VDAC1: variants seen among roughly 807,000 people sequenced by gnomAD.
The protein encoded by VDAC1 is non-selective voltage-gated ion channel VDAC1.
VDAC1 carries 10 observed loss-of-function variants against 34.7 expected under a neutral mutation model. That is an observed-to-expected ratio of 0.29 (90% CI 0.18 to 0.49). The LOEUF (loss-of-function observed/expected upper bound fraction) is 0.49. Among genes scored for constraint, VDAC1 ranks in the 20% least tolerant of loss-of-function variants. The probability of loss-of-function intolerance (pLI) is 0.99; values close to 1 mark genes in which losing one functional copy is unlikely to be tolerated. For synonymous variants in VDAC1, 130 were observed against 136.0 expected (o/e 0.96, Z 0.30); for missense variants, 230 against 347.9 (o/e 0.66, Z 2.69).
chr5:134,097,640 C>T, the VDAC1 span, among the ~76,000 whole-genome samples: 1 of 152,146 alleles, frequency 6.6e-6, no homozygotes, highest in Admixed American at 6.5e-5. Flanking sequence ...GGTCCCGCAG[C>T]CCTCACCCAC....
chr5:133,996,812 C>A (rs1022640431), intron 1 of VDAC1, among the ~76,000 whole-genome samples: 1 of 152,086 alleles, frequency 6.6e-6, no homozygotes, highest in Admixed American at 6.6e-5. Flanking sequence ...TACAATGCAA[C>A]CAGGAAGTAA....
At chr5:134,037,646 CAT>C in the VDAC1 span, among the ~76,000 whole-genome samples, 2 of 152,170 alleles carry the variant, frequency 1.3e-5, no homozygotes, top group South Asian at 2.1e-4. Flanking sequence ...GTATAGCTTC[CAT>C]ATGTTTGTTT....
the VDAC1 span, among the ~76,000 whole-genome samples, chr5:134,076,063 T>G: frequency 6.6e-6 from 1 of 152,064 alleles, no homozygotes; most frequent in Non-Finnish European, 1.5e-5. Context: ...AACTGCAACC[T>G]CTGCCTCCCG....
At chr5:134,077,401 T>C in the VDAC1 span, among the ~76,000 whole-genome samples, 1 of 151,434 alleles carries the variant, frequency 6.6e-6, no homozygotes, top group Admixed American at 6.6e-5. Context: ...GGTCTGAAAA[T>C]CCATTCAGCA....
At chr5:134,054,454 CTTCCTTT>C in the VDAC1 span, among the ~76,000 whole-genome samples, 4 of 115,954 alleles carry the variant, frequency 3.4e-5, no homozygotes, top group Non-Finnish European at 4.9e-5. Flanking sequence ...TTCTTCCTTC[CTTCCTTT>C]TTTTTTTTTT....
chr5:134,102,203 G>C, the VDAC1 span, among the ~76,000 whole-genome samples: 1 of 152,106 alleles, frequency 6.6e-6, no homozygotes, highest in Non-Finnish European at 1.5e-5. Context: ...GCTCTGGGGG[G>C]ACTCTGGGCC....
At chr5:134,093,999 A>C in the VDAC1 span, among the ~76,000 whole-genome samples, 1 of 152,182 alleles carries the variant, frequency 6.6e-6, no homozygotes, top group Non-Finnish European at 1.5e-5. Context: ...CTTTCCTGCA[A>C]TCTGTAGCAT....
chr5:134,096,911 G>A, the VDAC1 span, among the ~76,000 whole-genome samples: 4 of 152,234 alleles, frequency 2.6e-5, no homozygotes, highest in Admixed American at 2.0e-4. Context: ...GACAGTTATG[G>A]GCTCTCCAGC....
At chr5:134,023,694 T>A in the VDAC1 span, among the ~76,000 whole-genome samples, 1 of 152,088 alleles carries the variant, frequency 6.6e-6, no homozygotes, top group South Asian at 2.1e-4. Context: ...GTTCCTCCCC[T>A]CTTGGCACTT....
At chr5:134,095,687 C>T in the VDAC1 span, among the ~76,000 whole-genome samples, 1 of 152,068 alleles carries the variant, frequency 6.6e-6, no homozygotes, top group African/African-American at 2.4e-5. Context: ...CTGGGAGAGG[C>T]GAGCTGAGGC....
At chr5:134,026,309 C>T in the VDAC1 span, among the ~76,000 whole-genome samples, 3 of 152,168 alleles carry the variant, frequency 2.0e-5, no homozygotes, top group Admixed American at 2.0e-4. Context: ...AGATCAAGAC[C>T]ATCCTGGCTA....
the VDAC1 span, among the ~76,000 whole-genome samples, chr5:134,067,648 A>C: frequency 1.6e-4 from 4 of 25,438 alleles, no homozygotes; most frequent in African/African-American, 6.6e-4. Flanking sequence ...GGAGAAGGGG[A>C]GGCGGTGAGG....
the VDAC1 span, among the ~76,000 whole-genome samples, chr5:134,032,082 C>G: frequency 2.2e-5 from 3 of 138,856 alleles, no homozygotes; most frequent in Non-Finnish European, 4.5e-5. Flanking sequence ...AAGATTGTGC[C>G]ACTGCACTCC....
chr5:134,076,250 A>G, the VDAC1 span, among the ~76,000 whole-genome samples: 1 of 152,156 alleles, frequency 6.6e-6, no homozygotes, highest in Non-Finnish European at 1.5e-5. Context: ...AAGTGCTGGG[A>G]TTACAGGCAT....
chr5:134,030,461 T>C, the VDAC1 span, among the ~76,000 whole-genome samples: 188 of 152,330 alleles, frequency 1.2e-3, 2 homozygotes, highest in Middle Eastern at 0.014. Context: ...CAAAATCTCC[T>C]AGTCATTCAG....
At chr5:133,993,097 T>A in intron 1 of VDAC1, 79 bp from the exon 2 acceptor site, 1 of 1,415,884 alleles carries the variant, frequency 7.1e-7, no homozygotes, top group Non-Finnish European at 9.6e-7. Context: ...TTATTAGATG[T>A]AATTAGCAAC....
chr5:134,051,821 C>T, the VDAC1 span, among the ~76,000 whole-genome samples: 1 of 152,086 alleles, frequency 6.6e-6, no homozygotes, highest in Admixed American at 6.6e-5. Context: ...ACCTCAGCCT[C>T]CCGAGTATCT....
At chr5:134,066,464 T>A in the VDAC1 span, among the ~76,000 whole-genome samples, 3 of 152,266 alleles carry the variant, frequency 2.0e-5, no homozygotes, top group African/African-American at 7.2e-5. Flanking sequence ...GTCTTTTAAA[T>A]AGTCTACTCC....
At chr5:134,020,436 C>A in the VDAC1 span, among the ~76,000 whole-genome samples, 3 of 151,980 alleles carry the variant, frequency 2.0e-5, no homozygotes, top group African/African-American at 7.3e-5. Flanking sequence ...GCCAAGGACC[C>A]CACCCCTTGT....
Sources: gnomAD v4.1 joint callset for allele counts (sites outside exome capture counted in the v4.1 genomes callset) on GRCh38, gnomAD v4.1.1 for gene constraint, MANE v1.5 for transcripts, NCBI Gene and HGNC (gene_info 2026-07-23, HGNC 2026-07-21) for gene names.